Variants in TRAPPC9 observed in about 807,000 individuals in gnomAD.
TRAPPC9 encodes trafficking protein particle complex subunit 9.
In TRAPPC9, 83 loss-of-function variants were observed where a neutral mutation model predicts 124.0. That is an observed-to-expected ratio of 0.67 (90% CI 0.56 to 0.80). The LOEUF (loss-of-function observed/expected upper bound fraction) is 0.80. Ranked by LOEUF, TRAPPC9 falls within the 30% of genes least tolerant of loss-of-function variation. The probability of loss-of-function intolerance (pLI) is 0.00; values close to 1 mark genes in which losing one functional copy is unlikely to be tolerated. For synonymous variants in TRAPPC9, 638 were observed against 617.5 expected, an observed-to-expected ratio of 1.03 and a Z score of -0.49; for missense variants, 1,302 against 1,508.3, an observed-to-expected ratio of 0.86 and a Z score of 2.27.
chr8:139,793,975 C>T (rs1224596429), intron 21 of TRAPPC9, among the ~76,000 whole-genome samples: 3 of 152,142 alleles, frequency 2.0e-5, no homozygotes, highest in African/African-American at 4.8e-5. Flanking sequence ...CCTCCCGACA[C>T]GGCCTCTGCA....
At chr8:140,415,165 C>T (rs894199585) in intron 5 of TRAPPC9, among the ~76,000 whole-genome samples, 9 of 151,646 alleles carry the variant, frequency 5.9e-5, no homozygotes, top group African/African-American at 1.9e-4. Context: ...GAGCTGTAAT[C>T]GCCACTGCAC....
chr8:140,271,382 G>T (rs1014787919), intron 15 of TRAPPC9, among the ~76,000 whole-genome samples: 2 of 152,146 alleles, frequency 1.3e-5, no homozygotes, highest in African/African-American at 4.8e-5. Context: ...TTAAAGTTAA[G>T]AACTTCTGTT....
At chr8:140,222,286 T>G (rs1278022450) in intron 16 of TRAPPC9, among the ~76,000 whole-genome samples, 1 of 152,184 alleles carries the variant, frequency 6.6e-6, no homozygotes, top group Non-Finnish European at 1.5e-5. Flanking sequence ...GGAGCCACAC[T>G]CTGCCATCTG....
At chr8:140,299,465 A>C (rs1224803205) in intron 11 of TRAPPC9, among the ~76,000 whole-genome samples, 1 of 152,248 alleles carries the variant, frequency 6.6e-6, no homozygotes, top group East Asian at 1.9e-4. Context: ...AGAAATAAAG[A>C]AACAGAAGGA....
At chr8:140,309,301 T>C (rs1424393463) in intron 10 of TRAPPC9, among the ~76,000 whole-genome samples, 2 of 152,200 alleles carry the variant, frequency 1.3e-5, no homozygotes, top group Admixed American at 6.5e-5. Context: ...CAAACCACTC[T>C]GTGTGGGGCA....
At chr8:140,452,206 G>C (rs1271223758) in intron 1 of TRAPPC9, among the ~76,000 whole-genome samples, 1 of 151,450 alleles carries the variant, frequency 6.6e-6, no homozygotes, top group Non-Finnish European at 1.5e-5. Context: ...AGATCACAAG[G>C]TCAGAAGATC....
intron 18 of TRAPPC9, among the ~76,000 whole-genome samples, chr8:139,994,537 G>T (rs1443628976): frequency 1.3e-5 from 2 of 152,220 alleles, no homozygotes; most frequent in Non-Finnish European, 2.9e-5. Context: ...GTAAGGTGCT[G>T]TCAGGTGACA....
At chr8:139,933,974 C>T (rs1297743640) in intron 19 of TRAPPC9, 1 of 152,150 alleles carries the variant, frequency 6.6e-6, no homozygotes, top group African/African-American at 2.4e-5. Context: ...TAGGTGTCAT[C>T]TATTATTTAT....
At chr8:140,045,406 AC>A (rs1224619073) in intron 17 of TRAPPC9, among the ~76,000 whole-genome samples, 2 of 152,038 alleles carry the variant, frequency 1.3e-5, no homozygotes, top group African/African-American at 2.4e-5. Flanking sequence ...CGGGTGGATC[AC>A]CTGAGGTCAG....
chr8:140,060,640 A>C (rs1316334964), intron 17 of TRAPPC9, among the ~76,000 whole-genome samples: 1 of 95,284 alleles, frequency 1.0e-5, no homozygotes, highest in Non-Finnish European at 2.0e-5. Context: ...ATCCCTGCCC[A>C]CGGGCACTAC....
At chr8:139,950,134 G>A (rs1340610639) in intron 19 of TRAPPC9, among the ~76,000 whole-genome samples, 1 of 152,176 alleles carries the variant, frequency 6.6e-6, no homozygotes, top group Admixed American at 6.5e-5. Context: ...GGTGACCGTG[G>A]GGGAAGCGGG....
At chr8:139,999,018 A>G (rs1838221218) in intron 18 of TRAPPC9, among the ~76,000 whole-genome samples, 1 of 152,218 alleles carries the variant, frequency 6.6e-6, no homozygotes. Context: ...TAAAAATCAA[A>G]TAGTTTAAAA....
chr8:139,862,727 G>A (rs1828248602), intron 21 of TRAPPC9, among the ~76,000 whole-genome samples: 1 of 152,200 alleles, frequency 6.6e-6, no homozygotes, highest in Admixed American at 6.5e-5. Context: ...AGCAAGTCCT[G>A]GGCAAGTCCT....
chr8:140,045,445 G>A (rs1298187345), intron 17 of TRAPPC9, among the ~76,000 whole-genome samples: 4 of 151,940 alleles, frequency 2.6e-5, no homozygotes, highest in Non-Finnish European at 5.9e-5. Context: ...GGCCAACATG[G>A]TGTAAACCCC....
chr8:139,854,766 G>C lies in TRAPPC9; in HGVS notation c.3055+31113C>G, dbSNP rs563499089. Among the ~76,000 whole-genome samples, 21 of 152,220 alleles carry C rather than the reference G, an allele frequency of 1.4e-4. 1 individual carries two copies. The highest frequency in any genetic ancestry group is 2.2e-4 in the Non-Finnish European group (15 of 68,042). ...GAAGCCTTGCTTGCAGCTACCCTCAGCAGCATCTGAGGACTTGGCAGTGGC... is the reference window on the plus strand; with the variant it reads ...GAAGCCTTGCTTGCAGCTACCCTCACCAGCATCTGAGGACTTGGCAGTGGC... On this transcript the variant is annotated intron_variant, in intron 21 of 22. Transcript: ENST00000438773.
chr8:139,919,493 G>A (rs1276738188), intron 19 of TRAPPC9, among the ~76,000 whole-genome samples: 2 of 152,166 alleles, frequency 1.3e-5, no homozygotes, highest in Non-Finnish European at 2.9e-5. Flanking sequence ...ATTGCATTGT[G>A]TGCAAATCAA....
intron 18 of TRAPPC9, among the ~76,000 whole-genome samples, chr8:140,003,168 G>A (rs371248772): frequency 1.3e-5 from 2 of 151,948 alleles, no homozygotes; most frequent in East Asian, 1.9e-4. Flanking sequence ...TCAAGAAAAC[G>A]AATAACCTAA....
chr8:140,069,760 C>T (rs933645517), intron 17 of TRAPPC9, among the ~76,000 whole-genome samples: 4 of 152,108 alleles, frequency 2.6e-5, no homozygotes, highest in African/African-American at 9.7e-5. Context: ...CACACCAAGC[C>T]GCCTGCAAGC....
At chr8:139,816,413 C>G (rs1224389418) in intron 21 of TRAPPC9, among the ~76,000 whole-genome samples, 1 of 152,206 alleles carries the variant, frequency 6.6e-6, no homozygotes, top group Non-Finnish European at 1.5e-5. Context: ...AGATTTAGAG[C>G]AATGCTGGGT....
Sources: allele counts gnomAD v4.1 joint callset (sites outside exome capture counted in the v4.1 genomes callset), GRCh38; gene constraint gnomAD v4.1.1; transcripts MANE v1.5; gene names NCBI Gene and HGNC (gene_info 2026-07-23, HGNC 2026-07-21).